PRKD1: variants seen among roughly 807,000 people sequenced by gnomAD.
PRKD1 encodes protein kinase D1, also known as serine/threonine-protein kinase D1.
In PRKD1, 63 loss-of-function variants were observed where a neutral mutation model predicts 95.9. The ratio of observed to expected loss-of-function variants is 0.66; its 90% CI spans 0.54 to 0.81. PRKD1 has a LOEUF of 0.81. Among genes scored for constraint, PRKD1 ranks in the 30% least tolerant of loss-of-function variants. PRKD1 has a pLI of 0.00. For missense variants in PRKD1, 1,048 were observed against 1,165.3 expected, an observed-to-expected ratio of 0.90 and a Z score of 1.47; for synonymous variants, 425 against 423.1, an observed-to-expected ratio of 1.00 and a Z score of -0.05.
At chr14:29,871,586 A>C (rs1224428831) in intron 1 of PRKD1, among the ~76,000 whole-genome samples, 1 of 152,200 alleles carries the variant, frequency 6.6e-6, no homozygotes, top group Non-Finnish European at 1.5e-5. Flanking sequence ...AAGTGTAACT[A>C]ATGTAGGATT....
chr14:29,830,285 C>G (rs934111514), intron 1 of PRKD1, among the ~76,000 whole-genome samples: 1 of 152,180 alleles, frequency 6.6e-6, no homozygotes, highest in Non-Finnish European at 1.5e-5. Context: ...TTGTCCCTCC[C>G]TCCTTCCCCA....
chr14:29,583,590 C>G (rs1251443126), intron 16 of PRKD1, among the ~76,000 whole-genome samples: 1 of 152,094 alleles, frequency 6.6e-6, no homozygotes, highest in Non-Finnish European at 1.5e-5. Context: ...TATCTTTATT[C>G]ATGCTTAAGC....
chr14:29,616,437 T>C (rs138091388), intron 13 of PRKD1, among the ~76,000 whole-genome samples: 3 of 116,524 alleles, frequency 2.6e-5, no homozygotes, highest in Admixed American at 8.7e-5. Context: ...TTTGTTGTTA[T>C]CGTTTATGGT....
At chr14:29,656,640 C>A (rs1881858435) in intron 4 of PRKD1, 1 of 924,768 alleles carries the variant, frequency 1.1e-6, no homozygotes, top group Middle Eastern at 2.1e-4. Context: ...CAAAAAAAAG[C>A]AAAATGTTAT....
chr14:29,615,120 T>C (rs552678362), intron 13 of PRKD1, among the ~76,000 whole-genome samples: 1 of 151,686 alleles, frequency 6.6e-6, no homozygotes, highest in East Asian at 2.0e-4. Flanking sequence ...GAAAGTGGAA[T>C]AGGCTCAAGG....
chr14:29,814,623 A>C (rs1366318398), intron 1 of PRKD1, among the ~76,000 whole-genome samples: 3 of 152,130 alleles, frequency 2.0e-5, no homozygotes, highest in Non-Finnish European at 4.4e-5. Flanking sequence ...ACTTTTTCAA[A>C]GGTATATGCA....
intron 13 of PRKD1, among the ~76,000 whole-genome samples, chr14:29,620,068 T>C (rs1341836845): frequency 2.0e-5 from 3 of 151,692 alleles, no homozygotes; most frequent in African/African-American, 7.3e-5. Context: ...AAACAAGCAA[T>C]GGGGAAAGGA....
intron 1 of PRKD1, among the ~76,000 whole-genome samples, chr14:29,880,781 CTGGA>C (rs1044711971): frequency 8.5e-5 from 13 of 152,210 alleles, no homozygotes; most frequent in Non-Finnish European, 1.8e-4. Context: ...TCAGTGTGAC[CTGGA>C]TGTGAGACCT....
At chr14:29,713,749 T>C (rs1345360508) in intron 2 of PRKD1, among the ~76,000 whole-genome samples, 1 of 152,188 alleles carries the variant, frequency 6.6e-6, no homozygotes, top group African/African-American at 2.4e-5. Context: ...TCCTGTATCC[T>C]TTCTTTCTAA....
chr14:29,891,654 T>G (rs545663921), intron 1 of PRKD1, among the ~76,000 whole-genome samples: 33 of 151,544 alleles, frequency 2.2e-4, no homozygotes, highest in African/African-American at 4.6e-4. Flanking sequence ...GGTAAATTTT[T>G]GGGGTTTTTT....
intron 2 of PRKD1, among the ~76,000 whole-genome samples, chr14:29,685,498 T>A (rs1011293557): frequency 4.6e-5 from 7 of 152,182 alleles, no homozygotes; most frequent in African/African-American, 1.7e-4. Context: ...TCTTTTAGGA[T>A]AAGAGGAGCA....
At chr14:29,705,455 G>GTTT (rs35890847) in intron 2 of PRKD1, among the ~76,000 whole-genome samples, 18 of 147,040 alleles carry the variant, frequency 1.2e-4, no homozygotes, top group African/African-American at 4.0e-4. Flanking sequence ...GCCAGATTCT[G>GTTT]TTTTTTTTTT....
intron 1 of PRKD1, among the ~76,000 whole-genome samples, chr14:29,907,269 T>C (rs1894527190): frequency 6.6e-6 from 1 of 152,162 alleles, no homozygotes; most frequent in South Asian, 2.1e-4. Context: ...ACATCTTATC[T>C]CACAAAATCC....
intron 1 of PRKD1, among the ~76,000 whole-genome samples, chr14:29,850,434 A>C (rs546540872): frequency 4.0e-5 from 6 of 149,492 alleles, no homozygotes; most frequent in African/African-American, 1.5e-4. Context: ...AGCCAAATCA[A>C]GAAAGCAACC....
At chr14:29,761,410 C>T (rs906460183) in intron 1 of PRKD1, among the ~76,000 whole-genome samples, 1 of 152,144 alleles carries the variant, frequency 6.6e-6, no homozygotes, top group Non-Finnish European at 1.5e-5. Context: ...GCACATTTCT[C>T]ATTTCATTGT....
At chr14:29,589,272 G>A (rs1594342313) in intron 16 of PRKD1, among the ~76,000 whole-genome samples, 2 of 152,150 alleles carry the variant, frequency 1.3e-5, no homozygotes. Flanking sequence ...TTTTCCTAGT[G>A]AAACGACTTG....
intron 1 of PRKD1, among the ~76,000 whole-genome samples, chr14:29,813,110 C>CA (rs1296450062): frequency 2.0e-5 from 3 of 151,650 alleles, no homozygotes; most frequent in Non-Finnish European, 4.4e-5. Flanking sequence ...AACTCTGTCT[C>CA]AAAAAAACAA....
chr14:29,649,447 T>C (rs1333381603), intron 4 of PRKD1, among the ~76,000 whole-genome samples: 8 of 151,524 alleles, frequency 5.3e-5, no homozygotes, highest in Non-Finnish European at 2.9e-5. Context: ...TTTTTTTTAA[T>C]TTTGTGTTTA....
intron 1 of PRKD1, among the ~76,000 whole-genome samples, chr14:29,789,349 C>T (rs912809052): frequency 6.6e-6 from 1 of 152,158 alleles, no homozygotes; most frequent in Non-Finnish European, 1.5e-5. Flanking sequence ...ATCTGCATAT[C>T]TAATGTAACA....
Sources: gnomAD v4.1 joint callset for allele counts (sites outside exome capture counted in the v4.1 genomes callset) on GRCh38, gnomAD v4.1.1 for gene constraint, MANE v1.5 for transcripts, NCBI Gene and HGNC (gene_info 2026-07-23, HGNC 2026-07-21) for gene names.